PDE1C: variants seen among roughly 807,000 people sequenced by gnomAD.
The protein encoded by PDE1C is phosphodiesterase 1C, also known as dual specificity calcium/calmodulin-dependent 3',5'-cyclic nucleotide phosphodiesterase 1C.
A neutral mutation model predicts 93.1 loss-of-function variants in PDE1C; 62 were observed. The observed-to-expected ratio is 0.67, with a 90% CI of 0.54 to 0.82. The LOEUF (loss-of-function observed/expected upper bound fraction) is 0.82, where lower values mean the gene tolerates loss of function less well. Among genes scored for constraint, PDE1C ranks in the 40% least tolerant of loss-of-function variants. The probability of loss-of-function intolerance (pLI) is 0.00; values close to 1 mark genes in which losing one functional copy is unlikely to be tolerated. For missense variants in PDE1C, 742 were observed against 884.6 expected (o/e 0.84, Z 2.04); for synonymous variants, 325 against 310.1 (o/e 1.05, Z -0.50).
chr7:32,416,740 TG>T (rs972643046), intron 1 of PDE1C, among the ~76,000 whole-genome samples: 7 of 151,870 alleles, frequency 4.6e-5, no homozygotes, highest in African/African-American at 1.7e-4. Context: ...AGGCTCAGGA[TG>T]GGGGTCTGCA....
At chr7:32,281,688 G>C (rs939754063) in intron 1 of PDE1C, among the ~76,000 whole-genome samples, 2 of 152,230 alleles carry the variant, frequency 1.3e-5, no homozygotes, top group Non-Finnish European at 2.9e-5. Flanking sequence ...ACAGGCAGTA[G>C]AGCATGAGTC....
chr7:31,789,993 C>T (rs1007961595), intron 16 of PDE1C: 46 of 1,259,980 alleles, frequency 3.7e-5, no homozygotes, highest in African/African-American at 1.2e-4. Flanking sequence ...AAAAATCTCA[C>T]GTTGTTTGTT....
At chr7:31,865,620 C>A (rs1795199624) in intron 6 of PDE1C, among the ~76,000 whole-genome samples, 1 of 152,216 alleles carries the variant, frequency 6.6e-6, no homozygotes. Context: ...AGAATGAAAT[C>A]TTCCAAATTC....
At chr7:31,965,378 T>C (rs934159706) in intron 2 of PDE1C, among the ~76,000 whole-genome samples, 1 of 152,028 alleles carries the variant, frequency 6.6e-6, no homozygotes, top group Non-Finnish European at 1.5e-5. Context: ...ACGAAATGAA[T>C]GAAATGTAGT....
chr7:32,086,385 T>G (rs906096487), intron 3 of PDE1C, among the ~76,000 whole-genome samples: 3 of 152,158 alleles, frequency 2.0e-5, no homozygotes, highest in East Asian at 3.9e-4. Context: ...ACATTCCATG[T>G]TCATGGGTAG....
Position 31,828,415 on chromosome 7 carries a change from C to T in PDE1C, c.1204-42G>A, listed in dbSNP as rs533194424. 3.2e-5 allele frequency: 48 copies of T among 1,517,030 alleles called. No individual in the cohort carries two copies. In the South Asian group the frequency reaches 5.3e-4, roughly 17 times the overall value. The allele number at this position is 1,517,030 out of a possible 1,614,324, so 94.0% of individuals were successfully genotyped here. A position where few individuals can be genotyped will look rare whatever the true frequency, so the allele number is the denominator to read the frequency against. On this transcript the variant is annotated intron_variant, in intron 11 of 17. Transcript: ENST00000396191. ...TCATAGTAAATTAAGGAACAGTAGG[C>T]TGGGTCACCCAGATTTCATTTAGCA...
chr7:32,399,391 T>C (rs575326588), intron 1 of PDE1C, among the ~76,000 whole-genome samples: 2 of 152,236 alleles, frequency 1.3e-5, no homozygotes, highest in East Asian at 3.9e-4. Context: ...AAATTTATTT[T>C]CTCATGGTTC....
intron 17 of PDE1C, among the ~76,000 whole-genome samples, chr7:31,768,649 A>G (rs892766239): frequency 6.6e-6 from 1 of 152,108 alleles, no homozygotes; most frequent in African/African-American, 2.4e-5. Context: ...TCTCTTTCCT[A>G]TTTTAACACA....
intron 3 of PDE1C, among the ~76,000 whole-genome samples, chr7:32,168,669 C>G (rs577126926): frequency 6.6e-6 from 1 of 152,184 alleles, no homozygotes; most frequent in Admixed American, 6.5e-5. Context: ...AATAACCAAG[C>G]CCTTAGTAGG....
At chr7:32,341,627 T>C (rs1475988784) in intron 1 of PDE1C, among the ~76,000 whole-genome samples, 1 of 152,068 alleles carries the variant, frequency 6.6e-6, no homozygotes, top group Non-Finnish European at 1.5e-5. Flanking sequence ...GTGGGCATAG[T>C]GGATTCAGTT....
chr7:31,646,081 G>GA, the PDE1C span, among the ~76,000 whole-genome samples: 1 of 152,044 alleles, frequency 6.6e-6, no homozygotes, highest in Non-Finnish European at 1.5e-5. Context: ...TGCACATCCC[G>GA]AAAAAAGATT....
At chr7:32,077,796 C>G (rs1796436531) in intron 3 of PDE1C, 2 of 898,358 alleles carry the variant, frequency 2.2e-6, no homozygotes, top group Non-Finnish European at 2.7e-6. Context: ...GTCTTTAACT[C>G]CTGACTTCAG....
chr7:31,775,546 G>A lies in PDE1C; in HGVS notation c.1960+118C>T, dbSNP rs867528579. 103 of 773,784 alleles carry A rather than the reference G, an allele frequency of 1.3e-4. No individual in the cohort carries two copies. The Middle Eastern group carries it at 2.3e-3, about 18-fold the overall frequency. 47.9% of individuals were successfully genotyped at this position (773,784 alleles called of 1,614,324 possible). A position where few individuals can be genotyped will look rare whatever the true frequency, so the allele number is the denominator to read the frequency against. ...GACAGAGACAAAGCTCTCTGATAAC[G>A]TGAGTAGACTGGATAACTATGGGGC... On this transcript the variant is annotated intron_variant, in intron 17 of 17. Transcript: ENST00000396191.
chr7:32,246,437 A>G (rs1808963088), intron 1 of PDE1C, among the ~76,000 whole-genome samples: 1 of 129,230 alleles, frequency 7.7e-6, no homozygotes, highest in African/African-American at 3.1e-5. Context: ...GGTAATTTCA[A>G]GAAAGCCCAG....
At chr7:31,845,642 C>T (rs941696407) in intron 9 of PDE1C, among the ~76,000 whole-genome samples, 2 of 151,662 alleles carry the variant, frequency 1.3e-5, no homozygotes, top group African/African-American at 4.8e-5. Flanking sequence ...TTTCTGCACA[C>T]GTATCCCAGA....
chr7:32,319,372 GT>G (rs1379266728), intron 1 of PDE1C, among the ~76,000 whole-genome samples: 1 of 152,172 alleles, frequency 6.6e-6, no homozygotes, highest in Non-Finnish European at 1.5e-5. Flanking sequence ...GATGGCATCT[GT>G]GCCCTTGGGT....
chr7:32,032,287 A>G (rs1271365545), intron 2 of PDE1C, among the ~76,000 whole-genome samples: 2 of 152,128 alleles, frequency 1.3e-5, no homozygotes, highest in African/African-American at 4.8e-5. Context: ...CTAAAGAGGA[A>G]AACAAACCTA....
chr7:32,066,872 AG>A (rs1795466623), intron 1 of PDE1C, among the ~76,000 whole-genome samples: 1 of 152,232 alleles, frequency 6.6e-6, no homozygotes, highest in Admixed American at 6.5e-5. Flanking sequence ...TCCTCTCCAA[AG>A]AGTAAGAGGA....
At chr7:32,298,273 C>T (rs1812753657) in intron 1 of PDE1C, among the ~76,000 whole-genome samples, 1 of 152,028 alleles carries the variant, frequency 6.6e-6, no homozygotes, top group Non-Finnish European at 1.5e-5. Flanking sequence ...CTTCCTGTCG[C>T]TTTCTGTCTC....
Sources: gnomAD v4.1 joint callset for allele counts (sites outside exome capture counted in the v4.1 genomes callset) on GRCh38, gnomAD v4.1.1 for gene constraint, MANE v1.5 for transcripts, NCBI Gene and HGNC (gene_info 2026-07-23, HGNC 2026-07-21) for gene names.